NSMCE2: variants seen among roughly 807,000 people sequenced by gnomAD.
The protein encoded by NSMCE2 is NSE2 SUMO ligase component of SMC5/6 complex.
A neutral mutation model predicts 23.8 loss-of-function variants in NSMCE2; 24 were observed. That is an observed-to-expected ratio of 1.01 (90% CI 0.73 to 1.42). The LOEUF (loss-of-function observed/expected upper bound fraction) is 1.42, where lower values mean the gene tolerates loss of function less well. Among genes scored for constraint, NSMCE2 ranks in the 40% most tolerant of loss-of-function variants. The pLI is 0.00. For synonymous variants in NSMCE2, 92 were observed against 94.1 expected, an observed-to-expected ratio of 0.98 and a Z score of 0.13; for missense variants, 284 against 296.5, an observed-to-expected ratio of 0.96 and a Z score of 0.31.
At chr8:125,143,450 A>C (rs1016760428) in intron 3 of NSMCE2, among the ~76,000 whole-genome samples, 1 of 152,216 alleles carries the variant, frequency 6.6e-6, no homozygotes. Flanking sequence ...CCTCCTTGCC[A>C]AAATGGACAT....
chr8:125,332,571 G>A (rs771670536), intron 5 of NSMCE2, among the ~76,000 whole-genome samples: 1 of 152,140 alleles, frequency 6.6e-6, no homozygotes, highest in Non-Finnish European at 1.5e-5. Flanking sequence ...AAAACAAACA[G>A]GTTCTTAGGT....
intron 5 of NSMCE2, among the ~76,000 whole-genome samples, chr8:125,330,207 C>G (rs146420761): frequency 7.6e-6 from 1 of 131,616 alleles, no homozygotes; most frequent in African/African-American, 2.8e-5. Context: ...GAGACAGTCT[C>G]TCTCTGTCAC....
intron 5 of NSMCE2, among the ~76,000 whole-genome samples, chr8:125,218,286 A>G (rs182918298): frequency 7.9e-5 from 12 of 152,270 alleles, no homozygotes; most frequent in Admixed American, 7.8e-4. Flanking sequence ...GGATTCTGAC[A>G]TACAAACAGA....
intron 5 of NSMCE2, among the ~76,000 whole-genome samples, chr8:125,350,079 A>G (rs1192883608): frequency 6.6e-6 from 1 of 152,138 alleles, no homozygotes; most frequent in Non-Finnish European, 1.5e-5. Flanking sequence ...CTACTACCCT[A>G]TGCCAGGGAC....
chr8:125,242,826 C>T (rs1275435498), intron 5 of NSMCE2, among the ~76,000 whole-genome samples: 1 of 152,046 alleles, frequency 6.6e-6, no homozygotes, highest in East Asian at 1.9e-4. Flanking sequence ...CTGGTTTACT[C>T]TCAGCAAAGT....
chr8:125,188,343 G>T (rs903724926), intron 5 of NSMCE2, among the ~76,000 whole-genome samples: 1 of 152,132 alleles, frequency 6.6e-6, no homozygotes, highest in African/African-American at 2.4e-5. Context: ...ATGAGGCCTA[G>T]GTACAGTGTA....
chr8:125,345,105 G>T (rs1357598923), intron 5 of NSMCE2, among the ~76,000 whole-genome samples: 1 of 152,018 alleles, frequency 6.6e-6, no homozygotes, highest in Non-Finnish European at 1.5e-5. Flanking sequence ...GGACATAGAT[G>T]GTTTCTGGCC....
chr8:125,152,440 T>C lies in NSMCE2; in HGVS notation c.264+1163T>C, dbSNP rs145894824. On this transcript the variant is annotated intron_variant, in intron 4 of 7. Coordinates refer to ENST00000287437, the MANE Select transcript of NSMCE2 (RefSeq NM_173685.4). The stretch of plus-strand genomic sequence containing the variant: ...GCAGGACTGGGACACTAGTATTTTT[T>C]AGAAACTCATTCTAATGTGCATTCA... 3.2e-3 allele frequency among the ~76,000 whole-genome samples: 488 copies of C among 152,316 alleles called. 1 individual carries two copies. Among genetic ancestry groups the C allele is most frequent in the African/African-American group, 0.011 (459 of 41,562 alleles).
intron 5 of NSMCE2, among the ~76,000 whole-genome samples, chr8:125,205,220 A>T (rs964612337): frequency 6.6e-6 from 1 of 152,222 alleles, no homozygotes; most frequent in East Asian, 1.9e-4. Flanking sequence ...CCTAAGGTAG[A>T]GCAAGTGCAT....
At chr8:125,260,127 G>A (rs1586683866) in intron 5 of NSMCE2, among the ~76,000 whole-genome samples, 2 of 152,262 alleles carry the variant, frequency 1.3e-5, no homozygotes, top group East Asian at 3.9e-4. Context: ...AGCCAGAGCT[G>A]GAACACACCC....
chr8:125,233,694 G>C (rs757930124), intron 5 of NSMCE2, among the ~76,000 whole-genome samples: 6 of 152,146 alleles, frequency 3.9e-5, no homozygotes, highest in Non-Finnish European at 8.8e-5. Context: ...GGAAAACAGA[G>C]ATGGAGGAGA....
At chr8:125,144,034 G>A (rs34903473) in intron 3 of NSMCE2, among the ~76,000 whole-genome samples, 62 of 152,214 alleles carry the variant, frequency 4.1e-4, no homozygotes, top group Non-Finnish European at 6.9e-4. Flanking sequence ...GTGTGTGGAC[G>A]TGATAGGGAA....
rs202059678 is a variant in NSMCE2 at position 125,340,002 on chromosome 8, G to GT, written c.419-17208dup. 3.9e-3 allele frequency among the ~76,000 whole-genome samples: 404 copies of GT among 103,614 alleles called. 8 individuals carry two copies. The highest frequency in any genetic ancestry group is 0.013 in the South Asian group (37 of 2,956). 68.0% of individuals were successfully genotyped at this position (103,614 alleles called of 152,430 possible). ...GAAACCATAAGCCTCCGACGTTGTA[G>GT]TTTTTTTTTGTTTTTTTTTTTTTTT... On this transcript the variant is annotated intron_variant, in intron 5 of 7. Coordinates refer to ENST00000287437, the MANE Select transcript of NSMCE2 (RefSeq NM_173685.4).
chr8:125,147,124 A>C (rs1820729723), intron 3 of NSMCE2, among the ~76,000 whole-genome samples: 1 of 152,190 alleles, frequency 6.6e-6, no homozygotes, highest in Non-Finnish European at 1.5e-5. Context: ...CTCTGGAGTC[A>C]TCATTCTGTG....
At chr8:125,327,078 C>T (rs1829694546) in intron 5 of NSMCE2, among the ~76,000 whole-genome samples, 1 of 151,570 alleles carries the variant, frequency 6.6e-6, no homozygotes. Flanking sequence ...GCCTGTCCAA[C>T]ATGGTAAAAC....
chr8:125,221,634 G>C (rs1487180316), intron 5 of NSMCE2, among the ~76,000 whole-genome samples: 3 of 152,182 alleles, frequency 2.0e-5, no homozygotes, highest in African/African-American at 7.2e-5. Flanking sequence ...TCAGGTTTTG[G>C]AATATTTGTA....
At chr8:125,176,913 T>A in intron 4 of NSMCE2, among the ~76,000 whole-genome samples, 1 of 152,226 alleles carries the variant, frequency 6.6e-6, no homozygotes, top group Non-Finnish European at 1.5e-5. Context: ...CTGCACTTAT[T>A]GTGAGTTTCC....
intron 5 of NSMCE2, among the ~76,000 whole-genome samples, chr8:125,293,835 T>A (rs1828214007): frequency 6.6e-6 from 1 of 152,248 alleles, no homozygotes; most frequent in Non-Finnish European, 1.5e-5. Flanking sequence ...ACAACTCACC[T>A]ACTTAAAGTG....
chr8:125,268,033 A>G (rs1827012164), intron 5 of NSMCE2, among the ~76,000 whole-genome samples: 1 of 151,708 alleles, frequency 6.6e-6, no homozygotes. Context: ...GTTTGAGACC[A>G]GCCTGGGCAG....
Sources: gnomAD v4.1 joint callset for allele counts (sites outside exome capture counted in the v4.1 genomes callset) on GRCh38, gnomAD v4.1.1 for gene constraint, MANE v1.5 for transcripts, NCBI Gene and HGNC (gene_info 2026-07-23, HGNC 2026-07-21) for gene names.